The following SH3GL3 variants were observed in gnomAD, a reference collection of about 807,000 sequenced individuals.
SH3GL3 encodes SH3 domain containing GRB2 like 3, endophilin A3, also known as endophilin-A3.
Under a neutral mutation model 47.7 loss-of-function variants are expected in SH3GL3, and 33 were observed. The ratio of observed to expected loss-of-function variants is 0.69; its 90% CI spans 0.52 to 0.92. SH3GL3 has a LOEUF of 0.92. Ranked by LOEUF, SH3GL3 falls within the 40% of genes least tolerant of loss-of-function variation. The probability of loss-of-function intolerance (pLI) is 0.00; values close to 1 mark genes in which losing one functional copy is unlikely to be tolerated. For missense variants in SH3GL3, 363 were observed against 417.8 expected, an observed-to-expected ratio of 0.87 and a Z score of 1.14; for synonymous variants, 155 against 148.8, an observed-to-expected ratio of 1.04 and a Z score of -0.30.
At chr15:83,609,447 A>T (rs2060608184) in intron 8 of SH3GL3, 1 of 399,294 alleles carries the variant, frequency 2.5e-6, no homozygotes, top group Non-Finnish European at 5.0e-6. Context: ...ATTTACTAAA[A>T]GACAAAGAGC....
At chr15:83,575,968 A>G (rs1312709288) in intron 5 of SH3GL3, among the ~76,000 whole-genome samples, 1 of 152,148 alleles carries the variant, frequency 6.6e-6, no homozygotes. Flanking sequence ...CCATGAGTGG[A>G]CAGTTCTAAC....
At chr15:83,518,075 A>G (rs1188776551) in intron 1 of SH3GL3, among the ~76,000 whole-genome samples, 1 of 152,214 alleles carries the variant, frequency 6.6e-6, no homozygotes, top group African/African-American at 2.4e-5. Context: ...TGCAAAGGAC[A>G]TTATTTCATT....
At chr15:83,518,528 G>C (rs1342517042) in intron 1 of SH3GL3, among the ~76,000 whole-genome samples, 1 of 152,150 alleles carries the variant, frequency 6.6e-6, no homozygotes, top group African/African-American at 2.4e-5. Context: ...TTGGTTGCTT[G>C]TATGTCTTCT....
At chr15:83,548,140 C>CTTAA (rs2044495276) in intron 1 of SH3GL3, among the ~76,000 whole-genome samples, 1 of 151,696 alleles carries the variant, frequency 6.6e-6, no homozygotes, top group East Asian at 1.9e-4. Flanking sequence ...AAGAGTCTCA[C>CTTAA]TTAACTCCCT....
chr15:83,459,873 C>G (rs1248675671), intron 1 of SH3GL3, among the ~76,000 whole-genome samples: 1 of 152,066 alleles, frequency 6.6e-6, no homozygotes. Flanking sequence ...TGAAAAGGTA[C>G]ATTTTCTTTT....
intron 1 of SH3GL3, among the ~76,000 whole-genome samples, chr15:83,487,878 C>CTTTT (rs58188472): frequency 1.5e-5 from 2 of 137,638 alleles, no homozygotes; most frequent in East Asian, 2.1e-4. Flanking sequence ...TTTTTCTTTT[C>CTTTT]TTTTTTTTTT....
intron 1 of SH3GL3, among the ~76,000 whole-genome samples, chr15:83,536,403 TTC>T (rs1353360826): frequency 1.4e-5 from 2 of 147,036 alleles, no homozygotes; most frequent in African/African-American, 5.1e-5. Context: ...TTCTTTTCTT[TTC>T]TTTTTTTTTT....
intron 1 of SH3GL3, among the ~76,000 whole-genome samples, chr15:83,508,513 G>A (rs1053876044): frequency 5.9e-5 from 9 of 152,068 alleles, no homozygotes; most frequent in African/African-American, 2.2e-4. Context: ...TTAGTGTAAA[G>A]ACTGACACTG....
At chr15:83,562,158 T>C (rs1280494446) in intron 2 of SH3GL3, among the ~76,000 whole-genome samples, 2 of 148,502 alleles carry the variant, frequency 1.3e-5, no homozygotes, top group African/African-American at 4.9e-5. Context: ...TTTTTTTGTT[T>C]TGTTTTGAAT....
intron 1 of SH3GL3, among the ~76,000 whole-genome samples, chr15:83,470,475 C>T (rs2040781346): frequency 6.6e-6 from 1 of 152,170 alleles, no homozygotes; most frequent in East Asian, 1.9e-4. Context: ...TATCTGCCCA[C>T]CTTGGCCTCT....
At chr15:83,521,314 G>C (rs1045674009) in intron 1 of SH3GL3, among the ~76,000 whole-genome samples, 2 of 152,222 alleles carry the variant, frequency 1.3e-5, no homozygotes, top group Non-Finnish European at 2.9e-5. Flanking sequence ...TTCATACAGG[G>C]ATCTGGCTAT....
At chr15:83,460,326 A>G (rs1940970961) in intron 1 of SH3GL3, among the ~76,000 whole-genome samples, 3 of 151,292 alleles carry the variant, frequency 2.0e-5, no homozygotes, top group African/African-American at 7.3e-5. Flanking sequence ...TGTGTCTTTA[A>G]TTTTTCTAAA....
intron 6 of SH3GL3, among the ~76,000 whole-genome samples, chr15:83,579,728 C>CTAAACGCATGTGCGTT (rs2059784253): frequency 2.0e-5 from 3 of 151,894 alleles, no homozygotes; most frequent in Non-Finnish European, 4.4e-5. Flanking sequence ...ACCTTTTCTC[C>CTAAACGCATGTGCGTT]TACCCAGGTT....
chr15:83,491,847 G>A (rs1567268090), intron 1 of SH3GL3, among the ~76,000 whole-genome samples: 1 of 152,086 alleles, frequency 6.6e-6, no homozygotes, highest in Non-Finnish European at 1.5e-5. Flanking sequence ...AATGAGAGGG[G>A]GCTTAAGCTT....
chr15:83,592,308 A>G (rs553458272), intron 8 of SH3GL3, among the ~76,000 whole-genome samples: 98 of 152,196 alleles, frequency 6.4e-4, no homozygotes, highest in African/African-American at 2.3e-3. Flanking sequence ...TCATTGTGTA[A>G]TCATCACTTC....
rs377607245 is a variant in SH3GL3, at chr15:83,605,097, A to G, written c.839-12985A>G. Among the ~76,000 whole-genome samples the G allele has an allele frequency of 3.9e-5, 6 of 152,294 alleles. No individual in the cohort carries two copies. In the East Asian group the frequency reaches 7.7e-4, roughly 20 times the overall value. ...TCCCTAGACAGATTAAGTTCCTAGAAGGGCGATGTACAGAGATCACAGACG... is the reference window on the plus strand; with the variant it reads ...TCCCTAGACAGATTAAGTTCCTAGAGGGGCGATGTACAGAGATCACAGACG... On this transcript the variant is annotated intron_variant, in intron 8 of 8. Coordinates refer to ENST00000427482, the MANE Select transcript of SH3GL3 (RefSeq NM_003027.5).
At chr15:83,477,337 C>T (rs1003470862) in intron 1 of SH3GL3, among the ~76,000 whole-genome samples, 24 of 152,088 alleles carry the variant, frequency 1.6e-4, no homozygotes, top group African/African-American at 5.6e-4. Context: ...TTGCCTTCTC[C>T]TTTGCTTCAT....
intron 1 of SH3GL3, among the ~76,000 whole-genome samples, chr15:83,453,583 A>T (rs1456044954): frequency 1.3e-5 from 2 of 151,604 alleles, no homozygotes; most frequent in Admixed American, 1.3e-4. Flanking sequence ...AGATTTTCTG[A>T]TTTATTTGCG....
intron 1 of SH3GL3, among the ~76,000 whole-genome samples, chr15:83,514,911 A>G (rs2042917539): frequency 6.6e-6 from 1 of 152,112 alleles, no homozygotes; most frequent in Admixed American, 6.6e-5. Flanking sequence ...GTGATAACTT[A>G]TATGAGAAGG....
Sources: gnomAD v4.1 joint callset for allele counts (sites outside exome capture counted in the v4.1 genomes callset) on GRCh38, gnomAD v4.1.1 for gene constraint, MANE v1.5 for transcripts, NCBI Gene and HGNC (gene_info 2026-07-23, HGNC 2026-07-21) for gene names.